The following DMD variants were observed in gnomAD, a reference collection of about 807,000 sequenced individuals.
The protein encoded by DMD is dystrophin.
Under a neutral mutation model 330.1 loss-of-function variants are expected in DMD, and 63 were observed. The ratio of observed to expected loss-of-function variants is 0.19; its 90% CI spans 0.16 to 0.24. The LOEUF (loss-of-function observed/expected upper bound fraction) is 0.24, where lower values mean the gene tolerates loss of function less well. Ranked by LOEUF, DMD falls within the 10% of genes least tolerant of loss-of-function variation. The pLI is 1.00. For missense variants in DMD, 3,344 were observed against 2,684.1 expected, an observed-to-expected ratio of 1.25 and a Z score of -5.43; for synonymous variants, 1,223 against 959.8, an observed-to-expected ratio of 1.27 and a Z score of -5.07.
At chrX:32,308,526 G>C (rs1194093230) in intron 42 of DMD, among the ~76,000 whole-genome samples, 1 of 111,295 alleles carries the variant, frequency 9.0e-6, no homozygotes, top group African/African-American at 3.3e-5. Flanking sequence ...ACCTGCTGGA[G>C]ATTTGTTGGG....
intron 1 of DMD, among the ~76,000 whole-genome samples, chrX:33,203,413 C>T (rs984656089): frequency 3.6e-5 from 4 of 111,141 alleles, no homozygotes; most frequent in East Asian, 2.8e-4. Context: ...AAGCTGAATA[C>T]GTTATACAAT....
intron 55 of DMD, among the ~76,000 whole-genome samples, chrX:31,559,636 G>A (rs1228430518): frequency 1.3e-4 from 4 of 31,464 alleles, no homozygotes; most frequent in Non-Finnish European, 1.9e-4. Context: ...GCGAAACTCC[G>A]TCTCAAAAAA....
chrX:32,342,877 T>C (rs1204627500), intron 40 of DMD: 2 of 418,215 alleles, frequency 4.8e-6, no homozygotes, highest in African/African-American at 4.9e-5. Context: ...CAAAGTCAAT[T>C]ACAATTTTAC....
chrX:31,970,643 T>C (rs1286628577), intron 44 of DMD, among the ~76,000 whole-genome samples: 1 of 110,741 alleles, frequency 9.0e-6, no homozygotes, highest in African/African-American at 3.3e-5. Flanking sequence ...GCCTGTGGTG[T>C]GCAATCTCCA....
chrX:32,374,609 G>A (rs1001445577), intron 34 of DMD, among the ~76,000 whole-genome samples: 5 of 111,700 alleles, frequency 4.5e-5, no homozygotes, highest in African/African-American at 1.6e-4. Context: ...AAATCAGTTG[G>A]TTGTAGGTGT....
intron 44 of DMD, among the ~76,000 whole-genome samples, chrX:32,057,421 A>C (rs749514589): frequency 1.1e-4 from 12 of 111,674 alleles, no homozygotes; most frequent in African/African-American, 3.9e-4. Context: ...CAAATTCAGC[A>C]AAGTTGCAGG....
chrX:32,015,361 C>A (rs1203605277), intron 44 of DMD, among the ~76,000 whole-genome samples: 1 of 111,418 alleles, frequency 9.0e-6, no homozygotes, highest in Non-Finnish European at 1.9e-5. Context: ...TTCTAACAAG[C>A]TTTCAGGTGA....
chrX:32,153,586 A>T (rs2096816169), intron 44 of DMD, among the ~76,000 whole-genome samples: 1 of 112,238 alleles, frequency 8.9e-6, no homozygotes, highest in African/African-American at 3.2e-5. Context: ...TTTAAATTAA[A>T]TCCTTAATGA....
chrX:33,268,341 A>G (rs2053085238), intron 1 of DMD, among the ~76,000 whole-genome samples: 1 of 111,539 alleles, frequency 9.0e-6, no homozygotes, highest in African/African-American at 3.3e-5. Context: ...AAAAATAAAA[A>G]TTGACAAGAG....
At chrX:32,969,001 C>G (rs1257436131) in intron 2 of DMD, among the ~76,000 whole-genome samples, 1 of 81,039 alleles carries the variant, frequency 1.2e-5, no homozygotes, top group African/African-American at 4.6e-5. Context: ...GCCCTCCAGC[C>G]TGGGAGACAG....
chrX:32,790,253 G>A (rs982787726), intron 7 of DMD, among the ~76,000 whole-genome samples: 1 of 111,876 alleles, frequency 8.9e-6, no homozygotes, highest in Non-Finnish European at 1.9e-5. Flanking sequence ...GAAAAAGAAG[G>A]AAATGAGGCA....
At chrX:32,966,923 G>A (rs2092178848) in intron 2 of DMD, among the ~76,000 whole-genome samples, 1 of 112,062 alleles carries the variant, frequency 8.9e-6, no homozygotes, top group Admixed American at 9.5e-5. Context: ...TGCACATGGA[G>A]ATGCTAACAA....
At chrX:32,414,009 T>C (rs374707020) in intron 29 of DMD, among the ~76,000 whole-genome samples, 2 of 111,296 alleles carry the variant, frequency 1.8e-5, no homozygotes, top group African/African-American at 6.5e-5. Context: ...GCGTGAGACA[T>C]TGCGCGCAGC....
At chrX:31,590,505 C>A (rs967964451) in intron 55 of DMD, among the ~76,000 whole-genome samples, 2 of 111,179 alleles carry the variant, frequency 1.8e-5, no homozygotes, top group African/African-American at 3.3e-5. Context: ...CTAGTGTACC[C>A]CATGCATGAT....
At chrX:32,136,955 C>T (rs1171302857) in intron 44 of DMD, among the ~76,000 whole-genome samples, 8 of 111,038 alleles carry the variant, frequency 7.2e-5, no homozygotes, top group African/African-American at 2.3e-4. Flanking sequence ...CACATGTATA[C>T]ATATGTAACT....
intron 44 of DMD, among the ~76,000 whole-genome samples, chrX:32,019,203 C>T (rs1165437971): frequency 1.8e-5 from 2 of 109,050 alleles, no homozygotes; most frequent in African/African-American, 3.3e-5. Context: ...TTTATTTAAG[C>T]AACTTGAACA....
chrX:31,123,071 A>G (rs1275987215), intron 78 of DMD, among the ~76,000 whole-genome samples: 1 of 111,918 alleles, frequency 8.9e-6, no homozygotes, highest in Non-Finnish European at 1.9e-5. Flanking sequence ...ACCAATAAAA[A>G]TTAAAGATAT....
chrX:31,729,299 G>C (rs1466355322), intron 52 of DMD, among the ~76,000 whole-genome samples: 1 of 111,217 alleles, frequency 9.0e-6, no homozygotes, highest in Non-Finnish European at 1.9e-5. Flanking sequence ...GGAGAGACTG[G>C]CATCTCCATG....
intron 1 of DMD, among the ~76,000 whole-genome samples, chrX:33,036,822 T>TATAC (rs1557225468): frequency 1.9e-5 from 2 of 105,736 alleles, no homozygotes; most frequent in African/African-American, 3.4e-5. Context: ...TATATATATA[T>TATAC]ACATACATAT....
Sources: gnomAD v4.1 joint callset for allele counts (sites outside exome capture counted in the v4.1 genomes callset) on GRCh38, gnomAD v4.1.1 for gene constraint, MANE v1.5 for transcripts, NCBI Gene and HGNC (gene_info 2026-07-23, HGNC 2026-07-21) for gene names.